The following UNC13A variants were observed in gnomAD, a reference collection of about 807,000 sequenced individuals.
UNC13A encodes unc-13 homolog A, also known as protein unc-13 homolog A.
UNC13A carries 61 observed loss-of-function variants against 219.7 expected under a neutral mutation model. The ratio of observed to expected loss-of-function variants is 0.28; its 90% CI spans 0.23 to 0.34. The LOEUF is 0.34. Ranked by LOEUF, UNC13A falls within the 10% of genes least tolerant of loss-of-function variation. UNC13A has a pLI of 1.00. For missense variants in UNC13A, 1,476 were observed against 2,270.3 expected (o/e 0.65, Z 7.11); for synonymous variants, 920 against 884.6 (o/e 1.04, Z -0.71).
chr19:17,669,943 CTTTTCTTT>C (rs1388916416), intron 4 of UNC13A, among the ~76,000 whole-genome samples: 24 of 87,354 alleles, frequency 2.7e-4, no homozygotes, highest in African/African-American at 8.9e-4. Context: ...TTTTTCTTTT[CTTTTCTTT>C]TTTTTTTTTT....
rs755411745 is a variant in UNC13A, at chr19:17,606,033, C to A, written c.*21G>T. The A allele has an allele frequency of 1.2e-4, 173 of 1,469,700 alleles. No individual in the cohort carries two copies. The highest frequency in any genetic ancestry group is 1.5e-4 in the Non-Finnish European group (164 of 1,115,988). 91.0% of individuals were successfully genotyped at this position (1,469,700 alleles called of 1,614,324 possible). On this transcript the variant is annotated 3_prime_UTR_variant, in exon 44 of 44. Coordinates refer to ENST00000519716, the MANE Select transcript of UNC13A (RefSeq NM_001080421.3). ...CAGCGCCCTCCGCGCAGGCGCAGTG[C>A]CGCTCGGCCGACCGCCCGCGCTAAG...
In UNC13A at chr19:17,606,255, C is replaced by G. The variant is rs1354353650; in HGVS notation, c.4911G>C (p.Val1637=). 1 of 1,547,406 alleles carries G rather than the reference C, an allele frequency of 6.5e-7. No individual in the cohort carries two copies. Residue 1637 remains valine, a synonymous_variant, in exon 44 of 44, where the codon GTG becomes GTC. Transcript: ENST00000519716. ...GCTGGGCCAGCTCACGCAGCTGCAGCACGGCCAGCCCCACCGTGCGGTCCT... is the reference window on the plus strand; with the variant it reads ...GCTGGGCCAGCTCACGCAGCTGCAGGACGGCCAGCCCCACCGTGCGGTCCT... ...AREDRTVGLA[V]LQLRELAQRG...
chr19:17,616,391 G>T (rs1021787841), intron 41 of UNC13A: 1 of 691,256 alleles, frequency 1.4e-6, no homozygotes, highest in South Asian at 1.5e-5. Context: ...CGGCGGGCGG[G>T]AGGCGGAGGC....
intron 31 of UNC13A, among the ~76,000 whole-genome samples, chr19:17,628,597 C>A (rs544923026): frequency 1.8e-4 from 28 of 152,170 alleles, no homozygotes; most frequent in Non-Finnish European, 3.7e-4. Context: ...CCAGTTAACA[C>A]AGCTAGATAA....
At chr19:17,628,140 T>G in intron 31 of UNC13A, 200 bp from the exon 32 acceptor site, 1 of 582,698 alleles carries the variant, frequency 1.7e-6, no homozygotes, top group Non-Finnish European at 3.1e-6. Context: ...CTCTGGGGAC[T>G]GGTGGGGGCA....
Position 17,649,682 on chromosome 19 carries a change from G to T in UNC13A, c.1440-95C>A. The T allele has an allele frequency of 7.3e-7, 1 of 1,369,510 alleles. No homozygotes were observed. The highest frequency in any genetic ancestry group is 1.0e-6 in the Non-Finnish European group (1 of 965,236). The allele number at this position is 1,369,510 out of a possible 1,614,324, so 84.8% of individuals were successfully genotyped here. ...TTCAACCTCCCCCAGGTGTTAAGGG[G>T]TTGAATTGGGTCCCTCAAAAAAAAG... is the stretch of plus-strand genomic sequence containing the variant. On this transcript the variant is annotated intron_variant, in intron 12 of 43. Coordinates refer to ENST00000519716, the MANE Select transcript of UNC13A (RefSeq NM_001080421.3). This position sits in a 1 kb window ranked among gnomAD's most constrained non-coding sequence, Gnocchi z 4.4.
chr19:17,631,219 CCTTCTT>C, intron 28 of UNC13A, among the ~76,000 whole-genome samples: 1 of 42,656 alleles, frequency 2.3e-5, no homozygotes, highest in Non-Finnish European at 5.3e-5. Flanking sequence ...TTCCTTCCTT[CCTTCTT>C]CCTTCCTTCC....
chr19:17,667,326 G>C (rs2079675346), intron 6 of UNC13A, among the ~76,000 whole-genome samples: 1 of 152,012 alleles, frequency 6.6e-6, no homozygotes, highest in African/African-American at 2.4e-5. Context: ...AGCAGGACAA[G>C]AGTGAAAAAA....
chr19:17,661,952 T>C (rs2079557611), intron 8 of UNC13A, among the ~76,000 whole-genome samples: 1 of 151,902 alleles, frequency 6.6e-6, no homozygotes, highest in Non-Finnish European at 1.5e-5. Context: ...CATTAGATTC[T>C]CATAGAAGGC....
intron 41 of UNC13A, among the ~76,000 whole-genome samples, chr19:17,616,979 C>G (rs1053684954): frequency 1.3e-5 from 2 of 152,102 alleles, no homozygotes; most frequent in African/African-American, 4.8e-5. Flanking sequence ...GACAGGAGAC[C>G]GAAGCAAAAT....
rs2079287612 is a variant in UNC13A at position 17,648,656 on chromosome 19, G to A, written c.1597-6C>T. ...TTCTTGTAAACGTGGTTTTTCTGCA[G>A]GGAGGGATGGGGTGCGGTTTGGGGG... is the stretch of plus-strand genomic sequence containing the variant. On this transcript the variant is annotated splice_region_variant and splice_polypyrimidine_tract_variant and intron_variant, in intron 15 of 43. Coordinates refer to ENST00000519716, the MANE Select transcript of UNC13A (RefSeq NM_001080421.3). The A allele has an allele frequency of 5.0e-6, 8 of 1,598,498 alleles. No homozygotes were observed. The highest frequency in any genetic ancestry group is 6.8e-6 in the Non-Finnish European group (8 of 1,169,472).
At chr19:17,661,947 G>C (rs2079557466) in intron 8 of UNC13A, among the ~76,000 whole-genome samples, 1 of 151,882 alleles carries the variant, frequency 6.6e-6, no homozygotes, top group African/African-American at 2.4e-5. Flanking sequence ...GGCAGCATTA[G>C]ATTCTCATAG....
At chr19:17,664,576 A>G (rs12981221) in intron 7 of UNC13A, among the ~76,000 whole-genome samples, 136,797 of 152,210 alleles carry the variant, frequency 0.9, 62,456 homozygotes, top group African/African-American at 0.98. Context: ...ACCTGCCCCT[A>G]GCTCTAGTCC....
At chr19:17,628,047 G>A in intron 31 of UNC13A, 107 bp from the exon 32 acceptor site, 1 of 1,073,696 alleles carries the variant, frequency 9.3e-7, no homozygotes, top group Non-Finnish European at 1.4e-6. Context: ...GGGTCTGGAG[G>A]AAGCTGGGGT....
rs1014046434 is a variant in UNC13A, at chr19:17,606,351, C to T, written c.4815G>A (p.Thr1605=). 21 of 1,543,642 alleles carry T rather than the reference C, an allele frequency of 1.4e-5. No individual in the cohort carries two copies. The African/African-American group carries it at 2.7e-4, about 20-fold the overall frequency. The part of the protein sequence containing the change: ...APKYNESFQF[T]LSADAGPECY... Reference sequence around the variant, plus strand: ...ACTCGGGACCCGCGTCGGCGCTCAGCGTGCTGCGTGGGGAGGGGCGGAACG... The same window carrying T: ...ACTCGGGACCCGCGTCGGCGCTCAGTGTGCTGCGTGGGGAGGGGCGGAACG... Residue 1605 remains threonine (T), a synonymous_variant, in exon 44 of 44, where the codon ACG becomes ACA. Coordinates refer to ENST00000519716, the MANE Select transcript of UNC13A (RefSeq NM_001080421.3).
chr19:17,675,106 T>C (rs998505641), intron 2 of UNC13A, among the ~76,000 whole-genome samples: 3 of 151,676 alleles, frequency 2.0e-5, no homozygotes, highest in South Asian at 4.2e-4. Context: ...GGGGGGAGGA[T>C]TGCTTGAGCC....
At chr19:17,650,462 G>A (rs1465303063) in intron 12 of UNC13A, among the ~76,000 whole-genome samples, 1 of 152,060 alleles carries the variant, frequency 6.6e-6, no homozygotes, top group Non-Finnish European at 1.5e-5. Context: ...GCAGTGAGTC[G>A]AGATCACGCC....
chr19:17,669,421 G>T, intron 5 of UNC13A, 132 bp downstream of exon 5: 1 of 1,299,490 alleles, frequency 7.7e-7, no homozygotes, highest in Non-Finnish European at 1.0e-6. Context: ...CTCTCCTCCG[G>T]GGCGAAGGAC....
chr19:17,633,081 TG>T lies in UNC13A; in HGVS notation c.3301+26del, dbSNP rs755351986. Reference sequence around the variant, plus strand: ...GTACAGCCACCTGGTGTGGCCAGGCTGGGGAACACTGGGGTGGGAAACTCAC... The same window carrying T: ...GTACAGCCACCTGGTGTGGCCAGGCTGGGAACACTGGGGTGGGAAACTCAC... On this transcript the variant is annotated intron_variant, in intron 27 of 43. Transcript: ENST00000519716. The T allele has an allele frequency of 1.5e-5, 25 of 1,613,586 alleles. No individual in the cohort carries two copies. In the African/African-American group the frequency reaches 3.3e-4, roughly 22 times the overall value.
Sources: allele counts gnomAD v4.1 joint callset (sites outside exome capture counted in the v4.1 genomes callset), GRCh38; gene constraint gnomAD v4.1.1; non-coding constraint Gnocchi (gnomAD v3.1); transcripts MANE v1.5; gene names NCBI Gene and HGNC (gene_info 2026-07-23, HGNC 2026-07-21).